Variants in KSR2 observed in about 807,000 individuals in gnomAD.
KSR2 encodes the protein kinase suppressor of ras 2.
Under a neutral mutation model 107.8 loss-of-function variants are expected in KSR2, and 25 were observed. That is an observed-to-expected ratio of 0.23 (90% CI 0.17 to 0.32). KSR2 has a LOEUF of 0.32. Ranked by LOEUF, KSR2 falls within the 10% of genes least tolerant of loss-of-function variation. The pLI, the probability that KSR2 is intolerant of heterozygous loss-of-function variation, is 1.00. For synonymous variants in KSR2, 480 were observed against 507.0 expected (o/e 0.95, Z 0.71); for missense variants, 887 against 1,268.9 (o/e 0.70, Z 4.57).
At chr12:117,695,612 G>A (rs1373321094) in intron 4 of KSR2, among the ~76,000 whole-genome samples, 1 of 151,556 alleles carries the variant, frequency 6.6e-6, no homozygotes, top group Non-Finnish European at 1.5e-5. Flanking sequence ...TTGGGGGGCT[G>A]AGGTGGGAGG....
At chr12:117,577,169 C>A (rs977232141) in intron 7 of KSR2, among the ~76,000 whole-genome samples, 1 of 152,146 alleles carries the variant, frequency 6.6e-6, no homozygotes, top group Non-Finnish European at 1.5e-5. Flanking sequence ...AAATGAGAGG[C>A]CTCTGCCTGG....
chr12:117,479,116 T>C (rs919967819), intron 16 of KSR2, among the ~76,000 whole-genome samples: 1 of 152,198 alleles, frequency 6.6e-6, no homozygotes, highest in Non-Finnish European at 1.5e-5. Flanking sequence ...ATCCCATACA[T>C]GCGATTCTTT....
chr12:117,546,013 G>T (rs1017088271), intron 9 of KSR2, among the ~76,000 whole-genome samples: 1 of 152,088 alleles, frequency 6.6e-6, no homozygotes, highest in East Asian at 1.9e-4. Flanking sequence ...GCATAATTTG[G>T]AAAATTAAGA....
At chr12:117,560,177 G>A (rs975189759) in intron 7 of KSR2, among the ~76,000 whole-genome samples, 2 of 152,128 alleles carry the variant, frequency 1.3e-5, no homozygotes, top group African/African-American at 4.8e-5. Flanking sequence ...GGGGCCCCCT[G>A]GCAGATCTGC....
chr12:117,587,674 G>A (rs7132400), intron 5 of KSR2, among the ~76,000 whole-genome samples: 37,085 of 152,010 alleles, frequency 0.24, 5,185 homozygotes, highest in African/African-American at 0.39. Flanking sequence ...TACGGTGAAC[G>A]AGATAACCAT....
intron 4 of KSR2, among the ~76,000 whole-genome samples, chr12:117,694,851 T>A (rs111430724): frequency 9.2e-6 from 1 of 109,102 alleles, no homozygotes; most frequent in Non-Finnish European, 1.8e-5. Flanking sequence ...GATTCTTTTT[T>A]TTTTTTTTTT....
chr12:117,754,190 C>T (rs1015445910), intron 4 of KSR2, among the ~76,000 whole-genome samples: 12 of 152,124 alleles, frequency 7.9e-5, no homozygotes, highest in Non-Finnish European at 1.2e-4. Context: ...AGATGACAGA[C>T]ATGCTATGGC....
In KSR2 at chr12:117,456,491, A is replaced by T. The variant is rs1436307461; in HGVS notation, c.*10708T>A. ...AAAATGGCTAGAATCTTACAGGACC[A>T]ATACATTACATTTGTTGTCCAGGAC... On this transcript the variant is annotated 3_prime_UTR_variant, in exon 20 of 20. Coordinates refer to ENST00000339824, the MANE Select transcript of KSR2 (RefSeq NM_173598.6). 1.3e-5 allele frequency: 2 copies of T among 152,224 alleles called. No individual in the cohort carries two copies. Among genetic ancestry groups the T allele is most frequent in the African/African-American group, 4.8e-5 (2 of 41,414 alleles). 9.4% of individuals were successfully genotyped at this position (152,224 alleles called of 1,614,324 possible).
At chr12:117,700,058 T>TTG (rs1267457416) in intron 4 of KSR2, among the ~76,000 whole-genome samples, 1 of 151,650 alleles carries the variant, frequency 6.6e-6, no homozygotes, top group Non-Finnish European at 1.5e-5. Context: ...CTTTTTTTTT[T>TTG]TTTAGTAGAG....
At chr12:117,607,497 G>A (rs375462000) in intron 5 of KSR2, among the ~76,000 whole-genome samples, 15 of 152,256 alleles carry the variant, frequency 9.9e-5, no homozygotes, top group African/African-American at 3.6e-4. Context: ...ATCAGCCAGC[G>A]CTGGAGCTGG....
At chr12:117,840,452 G>C (rs552561426) in intron 3 of KSR2, among the ~76,000 whole-genome samples, 1 of 152,030 alleles carries the variant, frequency 6.6e-6, no homozygotes, top group African/African-American at 2.4e-5. Flanking sequence ...CTGGAGTGCA[G>C]TGGCATGATC....
At chr12:117,840,342 C>T (rs1244078868) in intron 3 of KSR2, among the ~76,000 whole-genome samples, 2 of 152,218 alleles carry the variant, frequency 1.3e-5, no homozygotes, top group African/African-American at 4.8e-5. Context: ...AGGTGATCCA[C>T]CCACCTTGGC....
chr12:117,726,959 T>C (rs1887453741), intron 4 of KSR2, among the ~76,000 whole-genome samples: 1 of 152,126 alleles, frequency 6.6e-6, no homozygotes, highest in Admixed American at 6.5e-5. Context: ...AAAATGTACG[T>C]TGAAGTCTTA....
At chr12:117,919,322 G>C (rs1352936250) in intron 1 of KSR2, among the ~76,000 whole-genome samples, 1 of 152,130 alleles carries the variant, frequency 6.6e-6, no homozygotes, top group Admixed American at 6.5e-5. Flanking sequence ...CTGGCCCTAA[G>C]CATAAGGTTG....
At chr12:117,837,090 T>C (rs1255322707) in intron 3 of KSR2, among the ~76,000 whole-genome samples, 1 of 152,004 alleles carries the variant, frequency 6.6e-6, no homozygotes, top group African/African-American at 2.4e-5. Flanking sequence ...GGAAGGTGAG[T>C]GGCAGCAAGG....
At chr12:117,658,057 G>T (rs771323279) in intron 5 of KSR2, among the ~76,000 whole-genome samples, 2 of 152,218 alleles carry the variant, frequency 1.3e-5, no homozygotes, top group African/African-American at 4.8e-5. Flanking sequence ...AATAATGAGC[G>T]TGTGTCCATT....
At chr12:117,493,958 GC>G (rs1872881498) in intron 14 of KSR2, among the ~76,000 whole-genome samples, 1 of 152,196 alleles carries the variant, frequency 6.6e-6, no homozygotes, top group African/African-American at 2.4e-5. Context: ...GGCCTCCCCA[GC>G]CATAGGGAAC....
chr12:117,950,121 G>A (rs1159223544), intron 1 of KSR2, among the ~76,000 whole-genome samples: 1 of 151,854 alleles, frequency 6.6e-6, no homozygotes. Context: ...TTACAGGCAC[G>A]TACCACCATG....
intron 6 of KSR2, among the ~76,000 whole-genome samples, chr12:117,579,455 C>T (rs1292316606): frequency 6.6e-6 from 1 of 152,174 alleles, no homozygotes; most frequent in African/African-American, 2.4e-5. Context: ...TCAAGGGCTT[C>T]GTACAGTGGC....
Sources: gnomAD v4.1 joint callset for allele counts (sites outside exome capture counted in the v4.1 genomes callset) on GRCh38, gnomAD v4.1.1 for gene constraint, MANE v1.5 for transcripts, NCBI Gene and HGNC (gene_info 2026-07-23, HGNC 2026-07-21) for gene names.